MMAA: variants seen among roughly 807,000 people sequenced by gnomAD.
MMAA encodes the protein methylmalonic aciduria type A protein, mitochondrial.
MMAA carries 41 observed loss-of-function variants against 45.0 expected under a neutral mutation model. The observed-to-expected ratio is 0.91, with a 90% CI of 0.71 to 1.18. MMAA has a LOEUF of 1.18. MMAA is among the 50% of genes most tolerant of loss of function. The probability of loss-of-function intolerance (pLI) is 0.00; values close to 1 mark genes in which losing one functional copy is unlikely to be tolerated. For missense variants in MMAA, 460 were observed against 495.7 expected (o/e 0.93, Z 0.68); for synonymous variants, 154 against 178.2 (o/e 0.86, Z 1.08).
rs759947234 is a variant in MMAA, at chr4:145,651,115, C to A, written c.787C>A (p.Leu263Ile). Residue 263 changes from leucine to isoleucine, a missense_variant, in exon 5 of 7, where the codon CTA becomes ATA. By Grantham distance (5) the Leu-to-Ile change is conservative (BLOSUM62 2). Coordinates refer to ENST00000649156, the MANE Select transcript of MMAA (RefSeq NM_172250.3). Reference sequence around the variant, plus strand: ...TGACATGGTTGACATGTTTGTTTTACTACTGCCACCAGCAGGAGGAGATGA... The same window carrying A: ...TGACATGGTTGACATGTTTGTTTTAATACTGCCACCAGCAGGAGGAGATGA... Reference protein sequence around the residue: ...VADMVDMFVLLLPPAGGDELQ... With the variant: ...VADMVDMFVLILPPAGGDELQ... 9 of 1,614,120 alleles carry A rather than the reference C, an allele frequency of 5.6e-6. No individual in the cohort carries two copies. Among genetic ancestry groups the A allele is most frequent in the Non-Finnish European group, 7.6e-6 (9 of 1,179,994 alleles).
At chr4:145,637,918 G>C (rs999381769) in intron 1 of MMAA, among the ~76,000 whole-genome samples, 1 of 152,212 alleles carries the variant, frequency 6.6e-6, no homozygotes, top group Non-Finnish European at 1.5e-5. Flanking sequence ...GAGGCACAGA[G>C]TGGTCAAGTA....
rs180680286 is a variant in MMAA at position 145,636,881 on chromosome 4, C to T, written c.-65-2194C>T. On this transcript the variant is annotated intron_variant, in intron 1 of 6. Transcript: ENST00000649156. ...TTGTACCTAAGAAAGTGTAGCAGGTCGAAAGATGGCCTTCAAAAAGATATG... is the reference window on the plus strand; with the variant it reads ...TTGTACCTAAGAAAGTGTAGCAGGTTGAAAGATGGCCTTCAAAAAGATATG... 5.3e-5 allele frequency among the ~76,000 whole-genome samples: 8 copies of T among 152,238 alleles called. No individual in the cohort carries two copies. The East Asian group carries it at 1.5e-3, about 29-fold the overall frequency.
Position 145,639,438 on chromosome 4 carries a change from G to A in MMAA, c.299G>A (p.Cys100Tyr). Reference protein sequence around the residue: ...YTGLIQGQRACLAEAITLVES... With the variant: ...YTGLIQGQRAYLAEAITLVES... ...GGTTTAATCCAAGGGCAAAGGGCCT[G>A]TTTAGCAGAGGCCATAACTCTTGTA... Residue 100 changes from cysteine to tyrosine, a missense_variant, in exon 2 of 7, where the codon TGT (cysteine) becomes TAT (tyrosine). By Grantham distance (194) the Cys-to-Tyr change is radical. Coordinates refer to ENST00000649156, the MANE Select transcript of MMAA (RefSeq NM_172250.3). 1 of 1,614,170 alleles carries A rather than the reference G, an allele frequency of 6.2e-7. No homozygotes were observed. The highest frequency in any genetic ancestry group is 1.3e-5 in the African/African-American group (1 of 75,050).
chr4:145,628,631 T>G (rs1029331003), intron 1 of MMAA, among the ~76,000 whole-genome samples: 5 of 152,230 alleles, frequency 3.3e-5, no homozygotes, highest in African/African-American at 1.2e-4. Context: ...TTTTACCTTG[T>G]CAGCTGATTA....
chr4:145,639,298 G>A lies in MMAA; in HGVS notation c.159G>A (p.Lys53=), dbSNP rs1191388669. 2.5e-6 allele frequency: 4 copies of A among 1,614,054 alleles called. No homozygotes were observed. In the Admixed American group the frequency reaches 6.7e-5, roughly 27 times the overall value. The part of the protein sequence containing the change: ...PFNSLGLHCT[K]WMLLSDGLKR... ...ATTCTCTTGGACTCCATTGTACAAA[G>A]TGGATGCTGCTGTCAGATGGCTTAA... The change falls in exon 2 of 7, where the codon AAG becomes AAA. Residue 53 remains lysine (K), a synonymous_variant. Coordinates refer to ENST00000649156, the MANE Select transcript of MMAA (RefSeq NM_172250.3).
chr4:145,627,792 T>C (rs545083034), intron 1 of MMAA, among the ~76,000 whole-genome samples: 2 of 152,276 alleles, frequency 1.3e-5, no homozygotes, highest in East Asian at 3.9e-4. Flanking sequence ...ATAGTATATA[T>C]ATAGTTTTAA....
intron 1 of MMAA, chr4:145,624,600 T>C (rs1224114789): frequency 4.6e-6 from 6 of 1,295,140 alleles, no homozygotes; most frequent in Admixed American, 3.9e-5. Flanking sequence ...CCATTGACTT[T>C]GGTGCTTTAG....
At chr4:145,629,690 G>A (rs1560791979) in intron 1 of MMAA, among the ~76,000 whole-genome samples, 2 of 152,170 alleles carry the variant, frequency 1.3e-5, no homozygotes, top group African/African-American at 2.4e-5. Flanking sequence ...ACATGGCTGG[G>A]GAGGCTTCAC....
intron 4 of MMAA, among the ~76,000 whole-genome samples, chr4:145,649,922 T>C (rs1416575234): frequency 1.3e-5 from 2 of 152,088 alleles, no homozygotes; most frequent in East Asian, 3.9e-4. Context: ...GGACTACAGG[T>C]ATACCACCAT....
intron 1 of MMAA, among the ~76,000 whole-genome samples, chr4:145,634,111 G>T (rs749413584): frequency 8.5e-5 from 13 of 152,208 alleles, no homozygotes; most frequent in Non-Finnish European, 1.6e-4. Flanking sequence ...GTCAGCGAGT[G>T]GCAAAGCCAG....
intron 1 of MMAA, among the ~76,000 whole-genome samples, chr4:145,627,512 C>G (rs1734228801): frequency 6.6e-6 from 1 of 152,066 alleles, no homozygotes; most frequent in Non-Finnish European, 1.5e-5. Flanking sequence ...GTGATAGTTT[C>G]TGAGGAAATA....
chr4:145,624,150 TC>T, intron 1 of MMAA: 1 of 1,106,380 alleles, frequency 9.0e-7, no homozygotes. Flanking sequence ...TCAACTCTTG[TC>T]CACTCCTTCA....
intron 1 of MMAA, among the ~76,000 whole-genome samples, chr4:145,637,838 A>G (rs1189640282): frequency 1.3e-5 from 2 of 152,200 alleles, no homozygotes; most frequent in East Asian, 3.8e-4. Context: ...TAAGCTTTTT[A>G]CAAGAATTGT....
At chr4:145,654,188 GT>G in intron 6 of MMAA, 45 bp downstream of exon 6, 9 of 1,608,416 alleles carry the variant, frequency 5.6e-6, no homozygotes, top group African/African-American at 5.3e-5. Flanking sequence ...AATGGATTGT[GT>G]ACATTAGAAG....
At chr4:145,639,697 A>G (rs1727729841) in intron 2 of MMAA, 119 bp downstream of exon 2, 5 of 1,444,970 alleles carry the variant, frequency 3.5e-6, no homozygotes, top group Non-Finnish European at 4.5e-6. Flanking sequence ...CAATATTTGG[A>G]TGAATTTTAA....
In MMAA at chr4:145,658,691, C is replaced by CAAAAAAAA. The variant is rs33978754; in HGVS notation, c.*3267_*3274dup. Reference sequence around the variant, plus strand: ...AATTTATGTAGTTGAACCTCTAAGGCAAAAAAAAAAAAAAAAAGGAAAAAT... The same window carrying CAAAAAAAA: ...AATTTATGTAGTTGAACCTCTAAGGCAAAAAAAAAAAAAAAAAAAAAAAAAGGAAAAAT... On this transcript the variant is annotated 3_prime_UTR_variant, in exon 7 of 7. Coordinates refer to ENST00000649156, the MANE Select transcript of MMAA (RefSeq NM_172250.3). 4 of 88,706 alleles carry CAAAAAAAA rather than the reference C, an allele frequency of 4.5e-5. No homozygotes were observed. The highest frequency in any genetic ancestry group is 7.4e-5 in the Non-Finnish European group (3 of 40,356). 5.5% of individuals were successfully genotyped at this position (88,706 alleles called of 1,614,324 possible). A position where few individuals can be genotyped will look rare whatever the true frequency, so the allele number is the denominator to read the frequency against.
chr4:145,644,543 A>C (rs1340727901), intron 3 of MMAA, among the ~76,000 whole-genome samples: 1 of 152,258 alleles, frequency 6.6e-6, no homozygotes, highest in Admixed American at 6.5e-5. Flanking sequence ...AAATGTTGGT[A>C]TATGACTAAA....
At position 145,658,840 on chromosome 4, in the gene MMAA, A is replaced by G. The variant is rs1728307988; in HGVS notation, c.*3406A>G. ...AAGACAGAAGTAACTCCTGTGATCT[A>G]TATGTTTGTGCAGATGGTGGAGCTT... On this transcript the variant is annotated 3_prime_UTR_variant, in exon 7 of 7. Transcript: ENST00000649156. 6.6e-6 allele frequency: 1 copy of G among 152,200 alleles called. No individual in the cohort carries two copies. The highest frequency in any genetic ancestry group is 2.4e-5 in the African/African-American group (1 of 41,462). 9.4% of individuals were successfully genotyped at this position (152,200 alleles called of 1,614,324 possible). A position where few individuals can be genotyped will look rare whatever the true frequency, so the allele number is the denominator to read the frequency against.
intron 2 of MMAA, 185 bp downstream of exon 2, chr4:145,639,763 T>A: frequency 4.1e-6 from 4 of 984,456 alleles, no homozygotes; most frequent in Non-Finnish European, 4.8e-6. Flanking sequence ...GCCATGACAT[T>A]TGAACCAAGG....
Sources: gnomAD v4.1 joint callset for allele counts (sites outside exome capture counted in the v4.1 genomes callset) on GRCh38, gnomAD v4.1.1 for gene constraint, MANE v1.5 for transcripts, NCBI Gene and HGNC (gene_info 2026-07-23, HGNC 2026-07-21) for gene names.